NMRK1: variants seen among roughly 807,000 people sequenced by gnomAD.
The protein encoded by NMRK1 is nicotinamide riboside kinase 1.
In NMRK1, 28 loss-of-function variants were observed where a neutral mutation model predicts 29.9. The observed-to-expected ratio is 0.94, with a 90% confidence interval of 0.69 to 1.28. The LOEUF is 1.28. NMRK1 is among the 50% of genes most tolerant of loss of function. NMRK1 has a pLI of 0.00. For missense variants in NMRK1, 218 were observed against 233.1 expected (o/e 0.94, Z 0.42); for synonymous variants, 58 against 73.0 (o/e 0.79, Z 1.05).
rs1823536008 is a variant in NMRK1 at position 75,069,045 on chromosome 9, G to A, written c.447C>T (p.Pro149=). 1.9e-6 allele frequency: 3 copies of A among 1,614,074 alleles called. No homozygotes were observed. The East Asian group carries it at 6.7e-5, about 36-fold the overall frequency. Reference sequence around the variant, plus strand: ...TTTCTTGTCTGTACTTTAGATACATGGGCCACACATGGCCATCAAAGTATC... The same window carrying A: ...TTTCTTGTCTGTACTTTAGATACATAGGCCACACATGGCCATCAAAGTATC... ...SPGYFDGHVW[P]MYLKYRQEMQ... is the part of the protein sequence containing the mutation. The change falls in exon 7 of 9, where the codon CCC becomes CCT. Residue 149 remains proline (P), a synonymous_variant. Transcript: ENST00000361092.
At position 75,069,012 on chromosome 9, in the gene NMRK1, G is replaced by T; in HGVS notation, c.480C>A (p.Asp160Glu). 1 of 1,613,098 alleles carries T rather than the reference G, an allele frequency of 6.2e-7. No homozygotes were observed. The highest frequency in any genetic ancestry group is 8.5e-7 in the Non-Finnish European group (1 of 1,179,036). ...GGCACTTACCAACTTCCCATGTGAT[G>T]TCCTGCATTTCTTGTCTGTACTTTA... ...MYLKYRQEMQDITWEVVYLDG... is the reference protein window; with the variant it reads ...MYLKYRQEMQEITWEVVYLDG... The change falls in exon 7 of 9, where the codon GAC becomes GAA. Residue 160 changes from aspartate (D) to glutamate (E), a missense_variant. By Grantham distance (45) the Asp-to-Glu change is conservative (BLOSUM62 2). Transcript: ENST00000361092.
chr9:75,070,281 T>C (rs1823625213), intron 4 of NMRK1, among the ~76,000 whole-genome samples: 1 of 152,204 alleles, frequency 6.6e-6, no homozygotes, highest in Non-Finnish European at 1.5e-5. Flanking sequence ...TACAGTGAAC[T>C]CCTAGGTCCC....
intron 8 of NMRK1, among the ~76,000 whole-genome samples, chr9:75,065,952 A>G (rs936817549): frequency 6.6e-6 from 1 of 152,190 alleles, no homozygotes; most frequent in African/African-American, 2.4e-5. Context: ...ACCTAGGAGG[A>G]TGTTGTTGTC....
chr9:75,066,942 C>G (rs1823389362), intron 7 of NMRK1, 102 bp from the exon 8 acceptor site: 3 of 680,578 alleles, frequency 4.4e-6, no homozygotes, highest in Non-Finnish European at 7.8e-6. Context: ...ATAGGTTTAA[C>G]CAAGGCACCC....
At position 75,066,763 on chromosome 9, in the gene NMRK1, G is replaced by A. The variant is rs1167706874; in HGVS notation, c.574C>T (p.Gln192Ter). The change falls in exon 8 of 9, where the codon CAA becomes TAA. Residue 192 changes from glutamine to a stop codon, truncating the protein, a stop_gained. Coordinates refer to ENST00000361092, the MANE Select transcript of NMRK1 (RefSeq NM_017881.3). LOFTEE classifies it high-confidence loss of function. ...TTGTTAGCACAATACTTACACTTTT[G>A]CTTTGCTAGTTCTTGTATTAGATCT... The part of the protein sequence containing the change: ...YEDLIQELAK[Q>*]KCLQVTA 1.8e-5 allele frequency: 29 copies of A among 1,577,848 alleles called. No individual in the cohort carries two copies. Among genetic ancestry groups the A allele is most frequent in the Non-Finnish European group, 2.4e-5 (28 of 1,147,220 alleles).
chr9:75,069,575 C>T (rs1330398004), intron 6 of NMRK1, 167 bp downstream of exon 6: 9 of 619,362 alleles, frequency 1.5e-5, no homozygotes, highest in Admixed American at 6.5e-5. Context: ...TTACTCCATG[C>T]GGATGACCAT....
chr9:75,077,314 GA>G (rs1272750096), intron 3 of NMRK1, 107 bp from the exon 4 acceptor site: 1 of 917,686 alleles, frequency 1.1e-6, no homozygotes, highest in Non-Finnish European at 1.7e-6. Context: ...GATGATCAAA[GA>G]AAGATCAGCA....
chr9:75,064,810 T>C (rs1028407021), intron 8 of NMRK1, among the ~76,000 whole-genome samples: 2 of 152,234 alleles, frequency 1.3e-5, no homozygotes, highest in African/African-American at 4.8e-5. Context: ...TCTTCACTGC[T>C]GGAGTGAGTC....
chr9:75,077,414 C>CTT (rs1225698447), intron 3 of NMRK1, 76 bp downstream of exon 3: 2 of 1,133,216 alleles, frequency 1.8e-6, no homozygotes, highest in African/African-American at 3.1e-5. Flanking sequence ...CCAAAGACTT[C>CTT]TTGGATGTAA....
In NMRK1 at chr9:75,069,951, T is replaced by C; in HGVS notation, c.261A>G (p.Glu87=). The C allele has an allele frequency of 6.2e-7, 1 of 1,614,060 alleles. No homozygotes were observed. Among genetic ancestry groups the C allele is most frequent in the South Asian group, 1.1e-5 (1 of 91,052 alleles). The change falls in exon 5 of 9, where the codon GAA becomes GAG. Residue 87 remains glutamate (E), a synonymous_variant. Coordinates refer to ENST00000361092, the MANE Select transcript of NMRK1 (RefSeq NM_017881.3). ...ARHSVVSTDQ[E]SAEEIPILII... ...TTAAAATGGGAATTTCCTCAGCACT[T>C]TCCTGGTCTGTTGATACCACAGAGT...
Position 75,083,150 on chromosome 9 carries a change from C to T in NMRK1, c.-35G>A, listed in dbSNP as rs763383116. 3 of 1,451,044 alleles carry T rather than the reference C, an allele frequency of 2.1e-6. No individual in the cohort carries two copies. Among genetic ancestry groups the T allele is most frequent in the Admixed American group, 3.4e-5 (2 of 59,554 alleles). 89.9% of individuals were successfully genotyped at this position (1,451,044 alleles called of 1,614,324 possible). ...TGAAAATCACAGCTTCCTAATATTT[C>T]CTAAAAGTAAAAAAACAAACAAACA... On this transcript the variant is annotated splice_region_variant and 5_prime_UTR_variant, in exon 2 of 9. Coordinates refer to ENST00000361092, the MANE Select transcript of NMRK1 (RefSeq NM_017881.3).
At position 75,077,226 on chromosome 9, in the gene NMRK1, A is replaced by G; in HGVS notation, c.121-19T>C. ...ACTCTGGCTGGAAAAATAATAAAGT[A>G]CCCATCAAAACAGTGTGTAGGAAAG... On this transcript the variant is annotated intron_variant, in intron 3 of 8. Transcript: ENST00000361092. The G allele has an allele frequency of 6.5e-7, 1 of 1,537,082 alleles. No homozygotes were observed. Among genetic ancestry groups the G allele is most frequent in the South Asian group, 1.2e-5 (1 of 86,438 alleles).
At chr9:75,071,551 AGT>A (rs1374041137) in intron 4 of NMRK1, among the ~76,000 whole-genome samples, 1 of 152,202 alleles carries the variant, frequency 6.6e-6, no homozygotes, top group African/African-American at 2.4e-5. Context: ...TGGTATAATA[AGT>A]GATTCTCAGC....
chr9:75,066,362 G>A (rs1823348504), intron 8 of NMRK1: 1 of 456,858 alleles, frequency 2.2e-6, no homozygotes, highest in Middle Eastern at 3.3e-4. Context: ...TATTTGGAAA[G>A]TAGAAATTTT....
chr9:75,077,249 A>T, intron 3 of NMRK1, 42 bp from the exon 4 acceptor site: 1 of 1,295,980 alleles, frequency 7.7e-7, no homozygotes, highest in Admixed American at 2.0e-5. Context: ...GTGTGTAGGA[A>T]AGAAATAATA....
At position 75,077,563 on chromosome 9, in the gene NMRK1, T is replaced by C; in HGVS notation, c.47A>G (p.Lys16Arg). 1 of 1,613,326 alleles carries C rather than the reference T, an allele frequency of 6.2e-7. No individual in the cohort carries two copies. Among genetic ancestry groups the C allele is most frequent in the Non-Finnish European group, 8.5e-7 (1 of 1,179,268 alleles). ...CTGCAAATTCTTAGCCAGTGTTGTTTTGCCACTGTTTGTCACACTGAAGCA... is the reference window on the plus strand; with the variant it reads ...CTGCAAATTCTTAGCCAGTGTTGTTCTGCCACTGTTTGTCACACTGAAGCA... Reference protein sequence around the residue: ...IGISGVTNSGKTTLAKNLQKH... With the variant: ...IGISGVTNSGRTTLAKNLQKH... The change falls in exon 3 of 9, where the codon AAA becomes AGA. Residue 16 changes from lysine to arginine, a missense_variant. Transcript: ENST00000361092.
intron 1 of NMRK1, among the ~76,000 whole-genome samples, chr9:75,084,992 G>A (rs767669780): frequency 3.3e-5 from 5 of 151,760 alleles, no homozygotes; most frequent in Admixed American, 1.3e-4. Context: ...TTGGTATGTC[G>A]GTTCAATGCT....
intron 7 of NMRK1, among the ~76,000 whole-genome samples, chr9:75,068,018 A>G (rs1371251316): frequency 1.3e-5 from 2 of 152,120 alleles, no homozygotes; most frequent in East Asian, 3.9e-4. Context: ...ATTGCTACAT[A>G]TGTCTCCCAG....
chr9:75,078,669 A>T (rs936431480), intron 2 of NMRK1: 2 of 540,704 alleles, frequency 3.7e-6, no homozygotes, highest in Non-Finnish European at 2.6e-6. Context: ...GAAATTTAGC[A>T]TCTCCTTTAA....
Sources: gnomAD v4.1 joint callset for allele counts (sites outside exome capture counted in the v4.1 genomes callset) on GRCh38, gnomAD v4.1.1 for gene constraint, MANE v1.5 for transcripts, NCBI Gene and HGNC (gene_info 2026-07-23, HGNC 2026-07-21) for gene names.